Variants in LRRC41 observed in about 807,000 individuals in gnomAD.
LRRC41 encodes the protein leucine rich repeat containing 41, also known as leucine-rich repeat-containing protein 41.
Under a neutral mutation model 72.1 loss-of-function variants are expected in LRRC41, and 17 were observed. The observed-to-expected ratio is 0.24, with a 90% CI of 0.16 to 0.35. LRRC41 has a LOEUF of 0.35. Among genes scored for constraint, LRRC41 ranks in the 10% least tolerant of loss-of-function variants. The pLI, the probability that LRRC41 is intolerant of heterozygous loss-of-function variation, is 1.00. For missense variants in LRRC41, 759 were observed against 1,065.0 expected, an observed-to-expected ratio of 0.71 and a Z score of 4.00; for synonymous variants, 427 against 431.0, an observed-to-expected ratio of 0.99 and a Z score of 0.11.
chr1:46,286,099 A>G lies in LRRC41; in HGVS notation c.758T>C (p.Phe253Ser). 6.2e-7 allele frequency: 1 copy of G among 1,612,392 alleles called. No homozygotes were observed. The highest frequency in any genetic ancestry group is 8.5e-7 in the Non-Finnish European group (1 of 1,178,490). ...TGGGCCACCAGGCCCTGGTTGCCAGAAGCCAGCACTCATGGTGAGAATAAG... is the reference window on the plus strand; with the variant it reads ...TGGGCCACCAGGCCCTGGTTGCCAGGAGCCAGCACTCATGGTGAGAATAAG... ...FILILTMSAG[F>S]WQPGPGGPPC... Residue 253 changes from phenylalanine to serine, a missense_variant, in exon 4 of 10, where the codon TTC becomes TCC. This residue lies in a region of LRRC41 where 427 missense variants were observed against 520.9 expected (regional missense o/e 0.82). Coordinates refer to ENST00000617190, the MANE Select transcript of LRRC41 (RefSeq NM_006369.5). The surrounding 1 kb of genome is among the most constrained non-coding windows in gnomAD (Gnocchi z 5.5).
chr1:46,282,036 G>A (rs1440288086), intron 4 of LRRC41, among the ~76,000 whole-genome samples: 2 of 151,080 alleles, frequency 1.3e-5, no homozygotes, highest in African/African-American at 2.4e-5. Flanking sequence ...CTGAGATCAC[G>A]CCACTGCACT....
intron 1 of LRRC41, chr1:46,301,964 G>A: frequency 2.0e-6 from 2 of 985,328 alleles, no homozygotes; most frequent in Non-Finnish European, 2.4e-6. Flanking sequence ...GGCTAGGCCT[G>A]CTTGGCAGAG....
Position 46,279,720 on chromosome 1 carries a change from A to G in LRRC41, c.2021-106T>C. On this transcript the variant is annotated intron_variant, in intron 7 of 9. Coordinates refer to ENST00000617190, the MANE Select transcript of LRRC41 (RefSeq NM_006369.5). This position sits in a 1 kb window ranked among gnomAD's most constrained non-coding sequence, Gnocchi z 4.5. ...GGGGTATTAACATTATAGAGGCCCA[A>G]AAAGAGGAAGGAATTTGTCTAGACT... 7.5e-7 allele frequency: 1 copy of G among 1,333,064 alleles called. No homozygotes were observed. Among genetic ancestry groups the G allele is most frequent in the Non-Finnish European group, 1.0e-6 (1 of 956,812 alleles). The allele number at this position is 1,333,064 out of a possible 1,614,324, so 82.6% of individuals were successfully genotyped here. A position where few individuals can be genotyped will look rare whatever the true frequency, so the allele number is the denominator to read the frequency against.
intron 3 of LRRC41, among the ~76,000 whole-genome samples, chr1:46,293,370 G>T (rs1358458006): frequency 6.6e-6 from 1 of 151,802 alleles, no homozygotes; most frequent in Admixed American, 6.6e-5. Context: ...CTCCCTAATA[G>T]CTGGGACTAG....
At chr1:46,281,024 G>A in intron 5 of LRRC41, 101 bp downstream of exon 5, 7 of 1,492,570 alleles carry the variant, frequency 4.7e-6, no homozygotes, top group Non-Finnish European at 6.4e-6. Context: ...AGGAATGAGT[G>A]ATAGAAGAGG....
intron 2 of LRRC41, 78 bp downstream of exon 2, chr1:46,298,204 CAG>C (rs1308995983): frequency 8.9e-5 from 89 of 995,346 alleles, no homozygotes; most frequent in East Asian, 3.9e-4. Context: ...TAGCAGGTAT[CAG>C]GGGTAATATT....
chr1:46,289,374 T>G (rs185236169), intron 3 of LRRC41, among the ~76,000 whole-genome samples: 2 of 152,338 alleles, frequency 1.3e-5, no homozygotes, highest in East Asian at 1.9e-4. Context: ...GACAGTTAAA[T>G]GAGTAAAGTT....
At chr1:46,291,178 C>T (rs1661008320) in intron 3 of LRRC41, among the ~76,000 whole-genome samples, 1 of 152,048 alleles carries the variant, frequency 6.6e-6, no homozygotes, top group Non-Finnish European at 1.5e-5. Flanking sequence ...GCCGCCTTGG[C>T]CTCCCAAAGT....
rs758371961 is a variant in LRRC41 at position 46,285,279 on chromosome 1, C to T, written c.1495+83G>A. 2.8e-6 allele frequency: 4 copies of T among 1,453,058 alleles called. No homozygotes were observed. Among genetic ancestry groups the T allele is most frequent in the Non-Finnish European group, 9.5e-7 (1 of 1,056,436 alleles). 90.0% of individuals were successfully genotyped at this position (1,453,058 alleles called of 1,614,324 possible). Reference sequence around the variant, plus strand: ...CCTCCTGATCATACCCCCAATTTGCCCCTCCCACCTCCCTAGAATTAGGCA... The same window carrying T: ...CCTCCTGATCATACCCCCAATTTGCTCCTCCCACCTCCCTAGAATTAGGCA... On this transcript the variant is annotated intron_variant, in intron 4 of 9. Coordinates refer to ENST00000617190, the MANE Select transcript of LRRC41 (RefSeq NM_006369.5). This position sits in a 1 kb window ranked among gnomAD's most constrained non-coding sequence, Gnocchi z 5.3.
Position 46,285,347 on chromosome 1 carries a change from C to T in LRRC41, c.1495+15G>A, listed in dbSNP as rs1660863242. The T allele has an allele frequency of 6.2e-7, 1 of 1,613,424 alleles. No homozygotes were observed. The highest frequency in any genetic ancestry group is 1.3e-5 in the African/African-American group (1 of 75,042). On this transcript the variant is annotated intron_variant, in intron 4 of 9. Transcript: ENST00000617190. The surrounding 1 kb of genome is among the most constrained non-coding windows in gnomAD (Gnocchi z 5.3). Reference sequence around the variant, plus strand: ...GGCAATCTAAGCCCAATCCCTGCCACTCCAGGGTGCTCACCATTGTAGGAG... The same window carrying T: ...GGCAATCTAAGCCCAATCCCTGCCATTCCAGGGTGCTCACCATTGTAGGAG...
At chr1:46,293,539 G>A (rs559334324) in intron 3 of LRRC41, among the ~76,000 whole-genome samples, 2 of 152,030 alleles carry the variant, frequency 1.3e-5, no homozygotes, top group South Asian at 2.1e-4. Flanking sequence ...CATCACACCC[G>A]GCCTGATTTG....
chr1:46,288,042 A>G (rs1569647438), intron 3 of LRRC41, among the ~76,000 whole-genome samples: 1 of 152,234 alleles, frequency 6.6e-6, no homozygotes, highest in South Asian at 2.1e-4. Flanking sequence ...TTTGGTGCAC[A>G]TCAGAATTCC....
intron 4 of LRRC41, 29 bp from the exon 5 acceptor site, chr1:46,281,414 C>T: frequency 1.2e-6 from 2 of 1,610,624 alleles, no homozygotes; most frequent in South Asian, 2.2e-5. Flanking sequence ...TAAGTCAGAA[C>T]CATGTGGGAG....
intron 4 of LRRC41, among the ~76,000 whole-genome samples, chr1:46,281,766 G>A (rs1488766216): frequency 6.6e-6 from 1 of 152,200 alleles, no homozygotes; most frequent in Non-Finnish European, 1.5e-5. Flanking sequence ...GTTTTGGATA[G>A]AGGGAGAAGA....
intron 3 of LRRC41, among the ~76,000 whole-genome samples, chr1:46,288,000 A>C (rs1660921472): frequency 6.6e-6 from 1 of 152,236 alleles, no homozygotes; most frequent in African/African-American, 2.4e-5. Context: ...TGATGTGTTT[A>C]ATACAACTCT....
Position 46,285,345 on chromosome 1 carries a change from C to A in LRRC41, c.1495+17G>T. On this transcript the variant is annotated intron_variant, in intron 4 of 9. Transcript: ENST00000617190. This position sits in a 1 kb window ranked among gnomAD's most constrained non-coding sequence, Gnocchi z 5.3. ...TAGGCAATCTAAGCCCAATCCCTGC[C>A]ACTCCAGGGTGCTCACCATTGTAGG... is the stretch of plus-strand genomic sequence containing the variant. The A allele has an allele frequency of 6.2e-7, 1 of 1,613,136 alleles. No individual in the cohort carries two copies. Among genetic ancestry groups the A allele is most frequent in the Non-Finnish European group, 8.5e-7 (1 of 1,179,580 alleles).
At chr1:46,300,394 T>G (rs371895378) in intron 1 of LRRC41, 1 of 152,124 alleles carries the variant, frequency 6.6e-6, no homozygotes, top group Non-Finnish European at 1.5e-5. Flanking sequence ...GGGTCTCTTT[T>G]TATCTTTACT....
chr1:46,285,473 T>C lies in LRRC41; in HGVS notation c.1384A>G (p.Ile462Val). ...ALEASQRFRSISTLELFTVPL... is the reference protein window; with the variant it reads ...ALEASQRFRSVSTLELFTVPL... ...ACTGTGAATAGCTCCAAGGTGGAGA[T>C]GCTGCGGAATCTTTGTGAAGCTTCC... The change falls in exon 4 of 10, where the codon ATC (isoleucine) becomes GTC (valine). Residue 462 changes from isoleucine (I) to valine (V), a missense_variant. Ile to Val is a conservative substitution (Grantham distance 29, BLOSUM62 3). Around this residue, in one of 4 missense-constraint regions of LRRC41, gnomAD observed 427 missense variants for 520.9 expected, o/e 0.82. Transcript: ENST00000617190. The surrounding 1 kb of genome is among the most constrained non-coding windows in gnomAD (Gnocchi z 5.3). 6.2e-7 allele frequency: 1 copy of C among 1,614,186 alleles called. No homozygotes were observed. Among genetic ancestry groups the C allele is most frequent in the Non-Finnish European group, 8.5e-7 (1 of 1,180,046 alleles).
chr1:46,280,878 A>G (rs951490729), intron 5 of LRRC41, among the ~76,000 whole-genome samples: 1 of 152,190 alleles, frequency 6.6e-6, no homozygotes, highest in African/African-American at 2.4e-5. Context: ...TCCAGTCTAA[A>G]GATCAGTTCT....
Sources: gnomAD v4.1 joint callset for allele counts (sites outside exome capture counted in the v4.1 genomes callset) on GRCh38, gnomAD v4.1.1 for gene constraint, gnomAD v4.1.1 regional missense constraint, Gnocchi (gnomAD v3.1) non-coding constraint, MANE v1.5 for transcripts, NCBI Gene and HGNC (gene_info 2026-07-23, HGNC 2026-07-21) for gene names.